RTN1: variants seen among roughly 807,000 people sequenced by gnomAD.
RTN1 encodes the protein reticulon-1.
In RTN1, 25 loss-of-function variants were observed where a neutral mutation model predicts 65.5. That is an observed-to-expected ratio of 0.38 (90% CI 0.28 to 0.53). RTN1 has a LOEUF of 0.53. Among genes scored for constraint, RTN1 ranks in the 20% least tolerant of loss-of-function variants. The pLI is 0.79. For missense variants in RTN1, 983 were observed against 1,025.4 expected, an observed-to-expected ratio of 0.96 and a Z score of 0.57; for synonymous variants, 471 against 447.6, an observed-to-expected ratio of 1.05 and a Z score of -0.66.
chr14:59,725,793 G>A lies in RTN1; in HGVS notation c.1765+1126C>T, dbSNP rs540762277. ...CAGCTAGCTTCCAATTTAAAATAAC[G>A]AGAAAGATTTTGTCCTCTATTTTTA... On this transcript the variant is annotated intron_variant, in intron 3 of 8. Transcript: ENST00000267484. 5.3e-5 allele frequency among the ~76,000 whole-genome samples: 8 copies of A among 152,248 alleles called. No individual in the cohort carries two copies. The East Asian group carries it at 5.8e-4, about 11-fold the overall frequency.
chr14:59,642,505 T>C (rs1458857797), intron 3 of RTN1, among the ~76,000 whole-genome samples: 1 of 152,160 alleles, frequency 6.6e-6, no homozygotes, highest in Non-Finnish European at 1.5e-5. Context: ...CTTTTCTTTT[T>C]ATATTTTTAT....
chr14:59,769,225 T>TACAAGAATA (rs1885907945), intron 1 of RTN1, among the ~76,000 whole-genome samples: 1 of 152,208 alleles, frequency 6.6e-6, no homozygotes, highest in South Asian at 2.1e-4. Flanking sequence ...GAAAGTCTTT[T>TACAAGAATA]ACATGAGGTC....
intron 1 of RTN1, among the ~76,000 whole-genome samples, chr14:59,840,474 T>C (rs1887290773): frequency 6.6e-6 from 1 of 152,328 alleles, no homozygotes; most frequent in East Asian, 1.9e-4. Flanking sequence ...TGTGCCTCAA[T>C]TTCCTCATCT....
chr14:59,750,134 TATATAA>T (rs1490479197), intron 1 of RTN1, among the ~76,000 whole-genome samples: 9 of 65,404 alleles, frequency 1.4e-4, no homozygotes, highest in African/African-American at 5.2e-4. Flanking sequence ...TTATCTATAA[TATATAA>T]TATATATATT....
intron 4 of RTN1, chr14:59,606,102 T>TTATATATATATA (rs1566658026): frequency 3.9e-5 from 2 of 51,686 alleles, no homozygotes; most frequent in African/African-American, 2.3e-4. Context: ...GGGAAAAACA[T>TTATATATATATA]GATATATATA....
intron 1 of RTN1, among the ~76,000 whole-genome samples, chr14:59,833,706 C>G (rs1887166338): frequency 6.6e-6 from 1 of 152,080 alleles, no homozygotes; most frequent in African/African-American, 2.4e-5. Flanking sequence ...CTCAAGTAGG[C>G]CCTGGTGTCT....
chr14:59,600,261 G>GGAT (rs534945811), intron 8 of RTN1, among the ~76,000 whole-genome samples: 1,615 of 151,920 alleles, frequency 0.011, 18 homozygotes, highest in Admixed American at 0.018. Context: ...AGCAGTAATC[G>GGAT]GATGATGATG....
chr14:59,755,017 G>C (rs1464179598), intron 1 of RTN1, among the ~76,000 whole-genome samples: 2 of 152,176 alleles, frequency 1.3e-5, no homozygotes, highest in Non-Finnish European at 2.9e-5. Flanking sequence ...GAAAAGGAAT[G>C]AGAGGGTTAA....
At chr14:59,739,275 C>T (rs1203893295) in intron 2 of RTN1, among the ~76,000 whole-genome samples, 4 of 152,036 alleles carry the variant, frequency 2.6e-5, no homozygotes, top group Non-Finnish European at 5.9e-5. Context: ...AATACCAGCA[C>T]TTTGGGATGC....
At chr14:59,632,304 A>G (rs1382225036) in intron 3 of RTN1, among the ~76,000 whole-genome samples, 1 of 152,160 alleles carries the variant, frequency 6.6e-6, no homozygotes, top group African/African-American at 2.4e-5. Context: ...TTCTATTTGT[A>G]TTCCCTACCT....
rs1004661097 is a variant in RTN1, at chr14:59,610,649, T to C, written c.1766-3157A>G. ...TAGGCTCAACTAACTTTAGGAGAAA[T>C]TTAGTTTATAGTTTAAACAAAGATG... On this transcript the variant is annotated intron_variant, in intron 3 of 8. Transcript: ENST00000267484. Among the ~76,000 whole-genome samples, 3 of 152,208 alleles carry C rather than the reference T, an allele frequency of 2.0e-5. 1 individual carries two copies. Among genetic ancestry groups the C allele is most frequent in the South Asian group, 4.1e-4 (2 of 4,834 alleles).
chr14:59,767,233 G>C (rs1213992981), intron 1 of RTN1, among the ~76,000 whole-genome samples: 1 of 152,182 alleles, frequency 6.6e-6, no homozygotes, highest in African/African-American at 2.4e-5. Flanking sequence ...ACTATGTTTT[G>C]AATGAAAGTA....
chr14:59,689,480 G>C (rs1883913371), intron 3 of RTN1, among the ~76,000 whole-genome samples: 1 of 152,086 alleles, frequency 6.6e-6, no homozygotes, highest in African/African-American at 2.4e-5. Flanking sequence ...TACTATACAA[G>C]ATAAACATCA....
intron 1 of RTN1, among the ~76,000 whole-genome samples, chr14:59,760,585 G>T (rs1303581641): frequency 6.6e-6 from 1 of 152,204 alleles, no homozygotes; most frequent in Non-Finnish European, 1.5e-5. Context: ...GGAACCCCCA[G>T]CCCAGCTTCC....
At chr14:59,682,682 G>T (rs1321515673) in intron 3 of RTN1, among the ~76,000 whole-genome samples, 2 of 152,156 alleles carry the variant, frequency 1.3e-5, no homozygotes, top group African/African-American at 4.8e-5. Context: ...AGAAACAATT[G>T]TCTCTAGGGA....
In RTN1 at chr14:59,790,317, G is replaced by C. The variant is rs2139587159; in HGVS notation, c.242-43836C>G. 6.6e-6 allele frequency among the ~76,000 whole-genome samples: 1 copy of C among 151,964 alleles called. No individual in the cohort carries two copies. The highest frequency in any genetic ancestry group is 2.4e-5 in the African/African-American group (1 of 41,464). ...CACACCTCTAGGAAAAAAGTAGTGG[G>C]AAATATGGCAACACATTGATAGCAG... On this transcript the variant is annotated intron_variant, in intron 1 of 8. Transcript: ENST00000267484. This position sits in a 1 kb window ranked among gnomAD's most constrained non-coding sequence, Gnocchi z 4.1.
intron 1 of RTN1, among the ~76,000 whole-genome samples, chr14:59,853,519 G>A (rs1887546683): frequency 6.6e-6 from 1 of 152,060 alleles, no homozygotes; most frequent in African/African-American, 2.4e-5. Flanking sequence ...CTTTCAACCA[G>A]AGTCAAGATT....
intron 3 of RTN1, among the ~76,000 whole-genome samples, chr14:59,618,401 A>C (rs948904615): frequency 1.3e-5 from 2 of 152,072 alleles, no homozygotes; most frequent in Non-Finnish European, 2.9e-5. Context: ...GCCCCTACCC[A>C]GGAACTGACT....
chr14:59,763,786 C>T (rs1256725974), intron 1 of RTN1, among the ~76,000 whole-genome samples: 1 of 152,142 alleles, frequency 6.6e-6, no homozygotes, highest in Non-Finnish European at 1.5e-5. Flanking sequence ...CTGCCTCGGC[C>T]TCCCAAAGTG....
Sources: allele counts gnomAD v4.1 joint callset (sites outside exome capture counted in the v4.1 genomes callset), GRCh38; gene constraint gnomAD v4.1.1; non-coding constraint Gnocchi (gnomAD v3.1); transcripts MANE v1.5; gene names NCBI Gene and HGNC (gene_info 2026-07-23, HGNC 2026-07-21).